DCHS2: variants seen among roughly 807,000 people sequenced by gnomAD.
DCHS2 encodes protocadherin-23.
A neutral mutation model predicts 182.4 loss-of-function variants in DCHS2; 142 were observed. The observed-to-expected ratio is 0.78, with a 90% confidence interval of 0.68 to 0.89. The LOEUF is 0.89. DCHS2 is among the 40% of genes least tolerant of loss of function. The pLI is 0.00. For missense variants in DCHS2, 4,319 were observed against 4,198.6 expected (o/e 1.03, Z -0.79); for synonymous variants, 1,740 against 1,663.3 (o/e 1.05, Z -1.12).
chr4:154,390,314 G>A (rs1731640050), intron 1 of DCHS2, among the ~76,000 whole-genome samples: 1 of 128,060 alleles, frequency 7.8e-6, no homozygotes, highest in South Asian at 2.5e-4. Context: ...CCCTTCCTGT[G>A]TCCATGTGAT....
chr4:154,470,260 T>G (rs1455151390), intron 1 of DCHS2, among the ~76,000 whole-genome samples: 1 of 152,080 alleles, frequency 6.6e-6, no homozygotes, highest in Non-Finnish European at 1.5e-5. Flanking sequence ...GGAGGATCAA[T>G]TGAGCCTCAA....
intron 13 of DCHS2, among the ~76,000 whole-genome samples, chr4:154,297,037 G>C (rs1447451178): frequency 1.3e-5 from 2 of 152,148 alleles, no homozygotes; most frequent in Admixed American, 6.6e-5. Context: ...ATAATCTTCT[G>C]GTGTCTAAAA....
At chr4:154,287,778 T>C (rs1018281586) in intron 13 of DCHS2, among the ~76,000 whole-genome samples, 4 of 152,140 alleles carry the variant, frequency 2.6e-5, no homozygotes, top group African/African-American at 9.6e-5. Flanking sequence ...CACAGCACCC[T>C]GCCTAAAGTG....
At chr4:154,285,951 G>A (rs1734375307) in intron 13 of DCHS2, among the ~76,000 whole-genome samples, 1 of 152,142 alleles carries the variant, frequency 6.6e-6, no homozygotes, top group Admixed American at 6.5e-5. Flanking sequence ...GTATGACCCA[G>A]TGCAGTCCCA....
chr4:154,359,665 A>G (rs763570041), intron 3 of DCHS2, among the ~76,000 whole-genome samples: 9 of 152,076 alleles, frequency 5.9e-5, no homozygotes, highest in Non-Finnish European at 1.2e-4. Context: ...CTTATTTACC[A>G]AATAGATTAC....
intron 8 of DCHS2, among the ~76,000 whole-genome samples, chr4:154,322,042 A>G (rs541755864): frequency 6.6e-6 from 1 of 152,288 alleles, no homozygotes; most frequent in South Asian, 2.1e-4. Flanking sequence ...ACAAGAAAAG[A>G]TACCTTTTGT....
chr4:154,379,428 T>C (rs1028120172), intron 1 of DCHS2, among the ~76,000 whole-genome samples: 1 of 152,202 alleles, frequency 6.6e-6, no homozygotes, highest in African/African-American at 2.4e-5. Context: ...GTCTTTGTCA[T>C]ACATATCATT....
chr4:154,245,237 CTGTT>C (rs1222549040), intron 16 of DCHS2, among the ~76,000 whole-genome samples: 3 of 152,192 alleles, frequency 2.0e-5, no homozygotes, highest in Non-Finnish European at 2.9e-5. Flanking sequence ...AGTTGTGAAA[CTGTT>C]GGTTGTAGCC....
chr4:154,366,488 C>G, intron 2 of DCHS2, 47 bp from the exon 3 acceptor site: 2 of 1,271,796 alleles, frequency 1.6e-6, no homozygotes, highest in Non-Finnish European at 2.3e-6. Context: ...TTGCTGAACA[C>G]TAGGATGTAG....
At chr4:154,315,626 C>G (rs1388085) in intron 10 of DCHS2, 122 bp downstream of exon 10, 1,273,412 of 1,416,490 alleles carry the variant, frequency 0.9, 578,364 homozygotes, top group South Asian at 0.94. Context: ...AGAAGTATTA[C>G]AAATTTGAGA....
At chr4:154,289,850 A>G (rs1367683454) in intron 13 of DCHS2, among the ~76,000 whole-genome samples, 5 of 152,106 alleles carry the variant, frequency 3.3e-5, no homozygotes, top group Admixed American at 1.3e-4. Flanking sequence ...ATTTCAATTC[A>G]TGCTGAAAAA....
chr4:154,291,150 T>A (rs773081507), intron 13 of DCHS2, among the ~76,000 whole-genome samples: 2 of 151,938 alleles, frequency 1.3e-5, no homozygotes, highest in Non-Finnish European at 2.9e-5. Context: ...CATCTCTCAA[T>A]AGAATACATA....
At chr4:154,467,280 G>C (rs1227981737) in intron 1 of DCHS2, among the ~76,000 whole-genome samples, 1 of 152,082 alleles carries the variant, frequency 6.6e-6, no homozygotes, top group East Asian at 1.9e-4. Flanking sequence ...CTATACTTTG[G>C]ATAGAGTTCC....
intron 1 of DCHS2, among the ~76,000 whole-genome samples, chr4:154,433,388 T>TC (rs59935907): frequency 5.0e-5 from 6 of 119,560 alleles, no homozygotes; most frequent in African/African-American, 1.7e-4. Context: ...CTAGTTTTTT[T>TC]TTTTTCCTTT....
intron 16 of DCHS2, among the ~76,000 whole-genome samples, chr4:154,243,788 C>G (rs904207409): frequency 6.6e-6 from 1 of 152,150 alleles, no homozygotes; most frequent in African/African-American, 2.4e-5. Context: ...GTATTGTATC[C>G]TTTCTCACCA....
chr4:154,388,640 G>A (rs777313737), intron 1 of DCHS2, among the ~76,000 whole-genome samples: 3 of 151,754 alleles, frequency 2.0e-5, no homozygotes, highest in East Asian at 1.9e-4. Context: ...GATTACAGGC[G>A]CACATCACCA....
chr4:154,252,658 C>CTTT (rs1194489468), intron 16 of DCHS2, among the ~76,000 whole-genome samples: 1 of 62,138 alleles, frequency 1.6e-5, no homozygotes, highest in Non-Finnish European at 8.6e-5. Flanking sequence ...TCTCATTCTT[C>CTTT]TTTTTTTCTT....
chr4:154,477,886 T>C (rs1735752876), intron 1 of DCHS2, among the ~76,000 whole-genome samples: 1 of 152,216 alleles, frequency 6.6e-6, no homozygotes, highest in Admixed American at 6.5e-5. Context: ...GAATGACTTT[T>C]CCTATATGTC....
chr4:154,270,439 A>G (rs1372084880), intron 13 of DCHS2, among the ~76,000 whole-genome samples: 1 of 152,016 alleles, frequency 6.6e-6, no homozygotes, highest in Non-Finnish European at 1.5e-5. Context: ...GATTTTGGGA[A>G]AAAGAGCCAC....
Sources: allele counts gnomAD v4.1 joint callset (sites outside exome capture counted in the v4.1 genomes callset), GRCh38; gene constraint gnomAD v4.1.1; transcripts MANE v1.5; gene names NCBI Gene and HGNC (gene_info 2026-07-23, HGNC 2026-07-21).